NUP210: variants seen among roughly 807,000 people sequenced by gnomAD.
NUP210 encodes the protein nuclear pore membrane glycoprotein 210.
In NUP210, 151 loss-of-function variants were observed where a neutral mutation model predicts 196.0. That is an observed-to-expected ratio of 0.77 (90% CI 0.67 to 0.88). The LOEUF (loss-of-function observed/expected upper bound fraction) is 0.88, where lower values mean the gene tolerates loss of function less well. Ranked by LOEUF, NUP210 falls within the 40% of genes least tolerant of loss-of-function variation. NUP210 has a pLI of 0.00. For synonymous variants in NUP210, 1,070 were observed against 1,052.7 expected (o/e 1.02, Z -0.32); for missense variants, 2,314 against 2,493.7 (o/e 0.93, Z 1.53).
At chr3:13,410,922 A>AT (rs201193915) in intron 1 of NUP210, among the ~76,000 whole-genome samples, 3 of 116,542 alleles carry the variant, frequency 2.6e-5, no homozygotes, top group African/African-American at 1.3e-4. Flanking sequence ...TGTCTCAAAA[A>AT]AAAAAAAAAA....
chr3:13,342,580 C>CTT lies in NUP210; in HGVS notation c.2965-459_2965-458dup, dbSNP rs569733547. ...TGTGAGGCTGGGTACAGCATATTAGCTTCTTAAGGAGCCTAAGCCACATGA... is the reference window on the plus strand; with the variant it reads ...TGTGAGGCTGGGTACAGCATATTAGCTTTTCTTAAGGAGCCTAAGCCACATGA... On this transcript the variant is annotated intron_variant, in intron 21 of 39. Transcript: ENST00000254508. Among the ~76,000 whole-genome samples, 18 of 152,318 alleles carry CTT rather than the reference C, an allele frequency of 1.2e-4. No homozygotes were observed. The South Asian group carries it at 3.7e-3, about 32-fold the overall frequency.
At chr3:13,353,081 G>T (rs1484457245) in intron 18 of NUP210, among the ~76,000 whole-genome samples, 1 of 152,120 alleles carries the variant, frequency 6.6e-6, no homozygotes, top group Non-Finnish European at 1.5e-5. Context: ...ATAGGCACAG[G>T]TGTGCCCCTT....
At position 13,348,628 on chromosome 3, in the gene NUP210, G is replaced by A; in HGVS notation, c.2835+3251C>T. 1 of 985,428 alleles carries A rather than the reference G, an allele frequency of 1.0e-6. No individual in the cohort carries two copies. Among genetic ancestry groups the A allele is most frequent in the Non-Finnish European group, 1.2e-6 (1 of 829,924 alleles). 61.0% of individuals were successfully genotyped at this position (985,428 alleles called of 1,614,324 possible). ...TGGGGAATTGTTCTTTCTTCTATGAGGGGATAAGAATGCTTAGGAGACGCT... is the reference window on the plus strand; with the variant it reads ...TGGGGAATTGTTCTTTCTTCTATGAAGGGATAAGAATGCTTAGGAGACGCT... On this transcript the variant is annotated intron_variant, in intron 20 of 39. Transcript: ENST00000254508. This position sits in a 1 kb window ranked among gnomAD's most constrained non-coding sequence, Gnocchi z 4.0.
intron 3 of NUP210, among the ~76,000 whole-genome samples, chr3:13,392,256 TG>T (rs1269839938): frequency 6.6e-6 from 1 of 152,180 alleles, no homozygotes; most frequent in Non-Finnish European, 1.5e-5. Flanking sequence ...AAAGACTGCA[TG>T]AAATAGTGCC....
chr3:13,398,041 C>A (rs1157948749), intron 2 of NUP210, among the ~76,000 whole-genome samples: 1 of 152,204 alleles, frequency 6.6e-6, no homozygotes. Flanking sequence ...GCAAGAGATA[C>A]AAAATTGTTC....
rs773463749 is a variant in NUP210, at chr3:13,351,939, G to C, written c.2775C>G (p.Leu925=). Residue 925 remains leucine, a synonymous_variant, in exon 20 of 40, where the codon CTC becomes CTG. Coordinates refer to ENST00000254508, the MANE Select transcript of NUP210 (RefSeq NM_024923.4). ...TGACAACATCTGCGGTGCTGGTGTT[G>C]AGGAAGAAGTAACCTGAGCCTTCCC... ...RIREGSGYFF[L]NTSTADVVKV... is the part of the protein sequence containing the mutation. The C allele has an allele frequency of 9.3e-6, 15 of 1,613,402 alleles. No individual in the cohort carries two copies. The highest frequency in any genetic ancestry group is 1.3e-5 in the Non-Finnish European group (15 of 1,179,570).
In NUP210 at chr3:13,327,324, G is replaced by A. The variant is rs147955019; in HGVS notation, c.4400C>T (p.Ser1467Leu). Reference protein sequence around the residue: ...RVWDAEHPGLSDFMPLPVLQA... With the variant: ...RVWDAEHPGLLDFMPLPVLQA... ...TAGGACAGGCAGGGGCATGAAGTCC[G>A]AGAGGCCCGGGTGCTCTGCGTCCCA... The change falls in exon 32 of 40, where the codon TCG (serine) becomes TTG (leucine). Residue 1467 changes from serine (S) to leucine (L), a missense_variant. By Grantham distance (145) the Ser-to-Leu change is moderately radical (BLOSUM62 -2). Coordinates refer to ENST00000254508, the MANE Select transcript of NUP210 (RefSeq NM_024923.4). 109 of 1,613,418 alleles carry A rather than the reference G, an allele frequency of 6.8e-5. No homozygotes were observed. The African/African-American group carries it at 1.1e-3, about 17-fold the overall frequency.
At chr3:13,406,393 G>T (rs543276419) in intron 1 of NUP210, among the ~76,000 whole-genome samples, 1 of 152,122 alleles carries the variant, frequency 6.6e-6, no homozygotes, top group Non-Finnish European at 1.5e-5. Context: ...GAAGAGGCAC[G>T]TGGCTACAAC....
intron 1 of NUP210, among the ~76,000 whole-genome samples, chr3:13,409,044 C>A (rs1700082095): frequency 6.6e-6 from 1 of 152,170 alleles, no homozygotes; most frequent in Non-Finnish European, 1.5e-5. Context: ...ACCAGCTCCC[C>A]TGTAAGTCCA....
chr3:13,352,237 C>T, intron 18 of NUP210, 53 bp from the exon 19 acceptor site: 1 of 1,400,618 alleles, frequency 7.1e-7, no homozygotes, highest in Non-Finnish European at 1.0e-6. Context: ...TTAGGCTGCC[C>T]CTCGGGAAGA....
At chr3:13,402,612 A>G (rs1699875995) in intron 1 of NUP210, among the ~76,000 whole-genome samples, 2 of 152,096 alleles carry the variant, frequency 1.3e-5, no homozygotes, top group African/African-American at 2.4e-5. Context: ...CACACCTTTC[A>G]TGTCCATGTA....
chr3:13,325,659 C>T, intron 33 of NUP210, 136 bp downstream of exon 33: 2 of 1,012,662 alleles, frequency 2.0e-6, no homozygotes, highest in African/African-American at 1.6e-5. Context: ...GTGGCCAGTC[C>T]CAGACTCATG....
chr3:13,381,412 TTTCTTTTC>T (rs1390337133), intron 6 of NUP210, among the ~76,000 whole-genome samples: 5 of 108,878 alleles, frequency 4.6e-5, no homozygotes, highest in African/African-American at 1.0e-4. Context: ...TTTCTTTTCT[TTTCTTTTC>T]TTTTTTTTTT....
chr3:13,319,370 T>C (rs759182876), intron 37 of NUP210, 45 bp from the exon 38 acceptor site: 3 of 1,485,902 alleles, frequency 2.0e-6, no homozygotes, highest in East Asian at 2.4e-5. Flanking sequence ...CCAGGCCCAC[T>C]GTGGCATCCC....
chr3:13,399,020 A>G (rs1699752271), intron 2 of NUP210, among the ~76,000 whole-genome samples: 1 of 152,122 alleles, frequency 6.6e-6, no homozygotes, highest in African/African-American at 2.4e-5. Context: ...TGTAATCCCA[A>G]CACTTTGGGA....
In NUP210 at chr3:13,379,784, C is replaced by T. The variant is rs183251271; in HGVS notation, c.818-63G>A. The T allele has an allele frequency of 2.9e-4, 410 of 1,400,148 alleles. 3 individuals are homozygous for T. In the African/African-American group the frequency reaches 5.1e-3, roughly 17 times the overall value. The allele number at this position is 1,400,148 out of a possible 1,614,324, so 86.7% of individuals were successfully genotyped here. On this transcript the variant is annotated intron_variant, in intron 6 of 39. Coordinates refer to ENST00000254508, the MANE Select transcript of NUP210 (RefSeq NM_024923.4). This position sits in a 1 kb window ranked among gnomAD's most constrained non-coding sequence, Gnocchi z 4.2. The stretch of plus-strand genomic sequence containing the variant: ...GAGCAAAGACAGGAAATGTTAGAAG[C>T]CAATACACTCCCACTGCCACCCCGA...
chr3:13,335,414 C>G, intron 28 of NUP210, 40 bp downstream of exon 28: 10 of 1,581,954 alleles, frequency 6.3e-6, no homozygotes, highest in African/African-American at 1.3e-5. Flanking sequence ...GCTGGCACTT[C>G]CTCTCCCCCT....
At chr3:13,401,904 A>G (rs890182208) in intron 1 of NUP210, among the ~76,000 whole-genome samples, 3 of 151,980 alleles carry the variant, frequency 2.0e-5, no homozygotes, top group Non-Finnish European at 4.4e-5. Context: ...AAAAAAAAAA[A>G]GTCTACTCTG....
In NUP210 at chr3:13,323,196, G is replaced by C. The variant is rs1162487582; in HGVS notation, c.4768+113C>G. On this transcript the variant is annotated intron_variant, in intron 34 of 39. Transcript: ENST00000254508. This position sits in a 1 kb window ranked among gnomAD's most constrained non-coding sequence, Gnocchi z 4.3. ...GAGTGGGGGCTAAATGCCCTCTCTGGAGTTGGTGTGAGTGTGAATAGGAGA... is the reference window on the plus strand; with the variant it reads ...GAGTGGGGGCTAAATGCCCTCTCTGCAGTTGGTGTGAGTGTGAATAGGAGA... 5 of 1,337,468 alleles carry C rather than the reference G, an allele frequency of 3.7e-6. No homozygotes were observed. The African/African-American group carries it at 4.4e-5, about 12-fold the overall frequency. The allele number at this position is 1,337,468 out of a possible 1,614,324, so 82.9% of individuals were successfully genotyped here. A position where few individuals can be genotyped will look rare whatever the true frequency, so the allele number is the denominator to read the frequency against.
Sources: gnomAD v4.1 joint callset for allele counts (sites outside exome capture counted in the v4.1 genomes callset) on GRCh38, gnomAD v4.1.1 for gene constraint, Gnocchi (gnomAD v3.1) non-coding constraint, MANE v1.5 for transcripts, NCBI Gene and HGNC (gene_info 2026-07-23, HGNC 2026-07-21) for gene names.